The following TNS1 variants were observed in gnomAD, a reference collection of about 807,000 sequenced individuals.
The protein encoded by TNS1 is tensin-1.
A neutral mutation model predicts 168.6 loss-of-function variants in TNS1; 62 were observed. The ratio of observed to expected loss-of-function variants is 0.37; its 90% CI spans 0.30 to 0.45. The LOEUF (loss-of-function observed/expected upper bound fraction) is 0.45, where lower values mean the gene tolerates loss of function less well. TNS1 is among the 20% of genes least tolerant of loss of function. The pLI is 1.00. For synonymous variants in TNS1, 934 were observed against 933.2 expected (o/e 1.00, Z -0.02); for missense variants, 2,240 against 2,339.4 (o/e 0.96, Z 0.88).
At chr2:217,970,434 A>T (rs1245567855) in intron 3 of TNS1, among the ~76,000 whole-genome samples, 1 of 152,226 alleles carries the variant, frequency 6.6e-6, no homozygotes, top group Non-Finnish European at 1.5e-5. Flanking sequence ...ATGTCCACAC[A>T]AAAACTTGTA....
intron 4 of TNS1, among the ~76,000 whole-genome samples, chr2:217,913,446 A>G (rs1169004127): frequency 6.6e-6 from 1 of 152,138 alleles, no homozygotes; most frequent in Non-Finnish European, 1.5e-5. Context: ...CATGTCCTTC[A>G]GTGGATATGG....
chr2:217,999,023 T>G (rs1392666189), intron 1 of TNS1, among the ~76,000 whole-genome samples: 1 of 152,118 alleles, frequency 6.6e-6, no homozygotes, highest in East Asian at 1.9e-4. Context: ...GGGGTGTGGT[T>G]AGAAAGCCAA....
intron 18 of TNS1, among the ~76,000 whole-genome samples, chr2:217,851,374 C>T (rs371287571): frequency 6.6e-6 from 1 of 151,420 alleles, no homozygotes; most frequent in African/African-American, 2.4e-5. Flanking sequence ...ACACAGACCA[C>T]AGGCCAGCCA....
chr2:217,924,539 T>C (rs541166649), intron 3 of TNS1, among the ~76,000 whole-genome samples: 1 of 152,308 alleles, frequency 6.6e-6, no homozygotes, highest in East Asian at 1.9e-4. Flanking sequence ...TAAATGTCTG[T>C]TGAAGAATGA....
At chr2:217,894,956 T>C (rs367590332) in intron 9 of TNS1, 50 bp downstream of exon 9, 50 of 1,536,386 alleles carry the variant, frequency 3.3e-5, no homozygotes, top group Non-Finnish European at 4.3e-5. Flanking sequence ...AGAGAGGGAG[T>C]CCATCTGTTC....
intron 3 of TNS1, among the ~76,000 whole-genome samples, chr2:217,937,386 C>A (rs1351059348): frequency 5.3e-5 from 8 of 152,164 alleles, no homozygotes; most frequent in Admixed American, 5.2e-4. Flanking sequence ...AAGGAGCCAA[C>A]CCCTGGGGCT....
chr2:217,885,988 G>A (rs755054029), intron 14 of TNS1, 56 bp downstream of exon 14: 30 of 1,599,030 alleles, frequency 1.9e-5, no homozygotes, highest in Non-Finnish European at 2.6e-5. Flanking sequence ...TTCTGACCTG[G>A]TCCTTAGCCC....
chr2:218,004,424 C>T (rs546284063), upstream of TNS1, among the ~76,000 whole-genome samples: 3 of 152,288 alleles, frequency 2.0e-5, no homozygotes, highest in South Asian at 6.2e-4. Flanking sequence ...CACCACATAC[C>T]GTGCAACTAC....
intron 3 of TNS1, among the ~76,000 whole-genome samples, chr2:217,931,851 C>T (rs751203989): frequency 5.4e-4 from 82 of 152,076 alleles, no homozygotes; most frequent in Non-Finnish European, 1.0e-3. Context: ...TGAAGAAGTG[C>T]CTTACATTTT....
At chr2:217,839,250 C>T (rs1026868745) in intron 19 of TNS1, among the ~76,000 whole-genome samples, 1 of 152,122 alleles carries the variant, frequency 6.6e-6, no homozygotes, top group Non-Finnish European at 1.5e-5. Context: ...GGCTGGGGTA[C>T]CCTTATGACA....
Position 217,878,341 on chromosome 2 carries a change from C to T in TNS1, c.1429+2557G>A, listed in dbSNP as rs3791945. On this transcript the variant is annotated intron_variant, in intron 18 of 32. Transcript: ENST00000682258. ...CCAGGTACTGCCACAAAACCAGATG[C>T]CCAAAGCAGGCCCCTAGGGACGTCA... 1.2e-4 allele frequency among the ~76,000 whole-genome samples: 19 copies of T among 152,306 alleles called. No homozygotes were observed. In the East Asian group the frequency reaches 3.7e-3, roughly 29 times the overall value.
At chr2:217,939,744 C>T (rs897801817) in intron 3 of TNS1, among the ~76,000 whole-genome samples, 7 of 152,206 alleles carry the variant, frequency 4.6e-5, no homozygotes, top group Non-Finnish European at 8.8e-5. Flanking sequence ...CCTAAAAAGG[C>T]AGGGACTGCA....
At chr2:217,831,362 C>A in intron 22 of TNS1, 93 bp downstream of exon 22, 1 of 1,178,068 alleles carries the variant, frequency 8.5e-7, no homozygotes, top group Non-Finnish European at 1.2e-6. Context: ...AAGCTGGCTG[C>A]TGACCAGATT....
chr2:217,889,309 C>G (rs543508752), intron 12 of TNS1, among the ~76,000 whole-genome samples: 1 of 152,350 alleles, frequency 6.6e-6, no homozygotes, highest in South Asian at 2.1e-4. Context: ...GGAATAGCCC[C>G]CAGCTGGGAC....
At chr2:217,959,909 C>T (rs955234253) in intron 3 of TNS1, among the ~76,000 whole-genome samples, 1 of 152,054 alleles carries the variant, frequency 6.6e-6, no homozygotes, top group Admixed American at 6.5e-5. Context: ...GGAGATGCCT[C>T]GCCGCTGAGG....
chr2:217,960,398 G>T (rs1957468122), intron 3 of TNS1, among the ~76,000 whole-genome samples: 1 of 152,172 alleles, frequency 6.6e-6, no homozygotes, highest in African/African-American at 2.4e-5. Flanking sequence ...ACAGTGGAGG[G>T]CAAGGGGGAC....
chr2:217,952,274 T>C (rs1424756283), intron 3 of TNS1, among the ~76,000 whole-genome samples: 7 of 152,202 alleles, frequency 4.6e-5, no homozygotes, highest in Non-Finnish European at 1.0e-4. Context: ...AACCCTACTT[T>C]GTACAGTTGA....
chr2:217,850,183 C>T (rs952368184), intron 18 of TNS1: 27 of 985,252 alleles, frequency 2.7e-5, no homozygotes, highest in Admixed American at 6.1e-5. Context: ...GCATCCTGAT[C>T]CCACTGCTCT....
chr2:217,908,686 C>T (rs938020785), intron 4 of TNS1, among the ~76,000 whole-genome samples: 2 of 152,170 alleles, frequency 1.3e-5, no homozygotes, highest in Non-Finnish European at 2.9e-5. Context: ...GACTCATCTA[C>T]CCCTACTGCC....
Sources: gnomAD v4.1 joint callset for allele counts (sites outside exome capture counted in the v4.1 genomes callset) on GRCh38, gnomAD v4.1.1 for gene constraint, MANE v1.5 for transcripts, NCBI Gene and HGNC (gene_info 2026-07-23, HGNC 2026-07-21) for gene names.